Variants in PPP3R1 observed in about 807,000 individuals in gnomAD.
PPP3R1 encodes protein phosphatase 3 regulatory subunit B, alpha, also known as calcineurin subunit B type 1.
PPP3R1 carries 5 observed loss-of-function variants against 22.6 expected under a neutral mutation model. The ratio of observed to expected loss-of-function variants is 0.22; its 90% confidence interval spans 0.12 to 0.46. The LOEUF is 0.46. Ranked by LOEUF, PPP3R1 falls within the 20% of genes least tolerant of loss-of-function variation. The pLI, the probability that PPP3R1 is intolerant of heterozygous loss-of-function variation, is 0.99. For synonymous variants in PPP3R1, 56 were observed against 65.2 expected, an observed-to-expected ratio of 0.86 and a Z score of 0.68; for missense variants, 61 against 203.2, an observed-to-expected ratio of 0.30 and a Z score of 4.25.
At chr2:68,185,883 T>A (rs7560691) in intron 5 of PPP3R1, among the ~76,000 whole-genome samples, 5,803 of 152,340 alleles carry the variant, frequency 0.038, 331 homozygotes, top group African/African-American at 0.13. Context: ...AAGGATAATA[T>A]GAACTTCTAC....
intron 2 of PPP3R1, among the ~76,000 whole-genome samples, chr2:68,195,887 C>CTT (rs570571597): frequency 2.1e-5 from 3 of 141,718 alleles, no homozygotes; most frequent in East Asian, 4.1e-4. Context: ...TTCCAACAAC[C>CTT]TTTTTTTTTT....
intron 2 of PPP3R1, among the ~76,000 whole-genome samples, chr2:68,216,427 A>G (rs1439252354): frequency 2.0e-5 from 3 of 152,064 alleles, no homozygotes; most frequent in Non-Finnish European, 2.9e-5. Flanking sequence ...AATGTGAAAA[A>G]CAAAAAACTT....
At chr2:68,206,103 C>A (rs1385982291) in intron 2 of PPP3R1, among the ~76,000 whole-genome samples, 1 of 152,168 alleles carries the variant, frequency 6.6e-6, no homozygotes, top group Non-Finnish European at 1.5e-5. Context: ...CAGGCGTGAG[C>A]CACCGCGCCC....
intron 1 of PPP3R1, among the ~76,000 whole-genome samples, chr2:68,233,605 C>T (rs1435502251): frequency 6.6e-6 from 1 of 152,088 alleles, no homozygotes; most frequent in Non-Finnish European, 1.5e-5. Context: ...TAACACCTCA[C>T]TCCCAAAGGT....
intron 5 of PPP3R1, among the ~76,000 whole-genome samples, chr2:68,184,467 T>G (rs1674491657): frequency 6.6e-6 from 1 of 152,198 alleles, no homozygotes. Context: ...TTCATTGCAT[T>G]TTATTGGAGT....
intron 1 of PPP3R1, among the ~76,000 whole-genome samples, chr2:68,228,925 T>C (rs1384618367): frequency 6.6e-6 from 1 of 152,158 alleles, no homozygotes; most frequent in Non-Finnish European, 1.5e-5. Context: ...TGGAAGTGTT[T>C]AGAGATTTTC....
At chr2:68,222,104 C>T (rs1669696790) in intron 1 of PPP3R1, among the ~76,000 whole-genome samples, 1 of 151,982 alleles carries the variant, frequency 6.6e-6, no homozygotes, top group Non-Finnish European at 1.5e-5. Flanking sequence ...GTTTAAATGT[C>T]TTTAAAATAT....
At chr2:68,248,093 C>T (rs186342155) in intron 1 of PPP3R1, among the ~76,000 whole-genome samples, 1 of 152,154 alleles carries the variant, frequency 6.6e-6, no homozygotes. Context: ...ACACTACCCC[C>T]TTCCTCTCCA....
chr2:68,231,845 A>C (rs944521405), intron 1 of PPP3R1, among the ~76,000 whole-genome samples: 2 of 152,106 alleles, frequency 1.3e-5, no homozygotes, highest in Admixed American at 6.6e-5. Flanking sequence ...ATAAACAGTC[A>C]AGACAGGTAA....
intron 2 of PPP3R1, among the ~76,000 whole-genome samples, chr2:68,213,383 G>A (rs1669520506): frequency 1.3e-5 from 2 of 152,244 alleles, no homozygotes; most frequent in South Asian, 4.1e-4. Context: ...TTGTCTTAGG[G>A]AATAGGGAGG....
intron 2 of PPP3R1, among the ~76,000 whole-genome samples, chr2:68,215,260 C>G (rs1669556897): frequency 6.6e-6 from 1 of 151,996 alleles, no homozygotes; most frequent in African/African-American, 2.4e-5. Flanking sequence ...AACAAACCTG[C>G]ACATACCCAT....
chr2:68,196,883 C>A (rs747204247), intron 2 of PPP3R1, among the ~76,000 whole-genome samples: 2 of 152,062 alleles, frequency 1.3e-5, no homozygotes, highest in African/African-American at 4.8e-5. Flanking sequence ...CGCCACCACG[C>A]CCTGCTGATT....
At chr2:68,195,552 A>C (rs545798667) in intron 2 of PPP3R1, among the ~76,000 whole-genome samples, 2 of 151,976 alleles carry the variant, frequency 1.3e-5, no homozygotes, top group East Asian at 3.9e-4. Context: ...CTGTGCAAAT[A>C]CTCTTTTCTC....
chr2:68,206,589 C>T (rs1454849540), intron 2 of PPP3R1, among the ~76,000 whole-genome samples: 1 of 152,118 alleles, frequency 6.6e-6, no homozygotes, highest in African/African-American at 2.4e-5. Flanking sequence ...AGAATTAATC[C>T]ACATTCTAAT....
At chr2:68,186,384 A>C in intron 5 of PPP3R1, 84 bp downstream of exon 5, 1 of 1,349,666 alleles carries the variant, frequency 7.4e-7, no homozygotes, top group Non-Finnish European at 1.0e-6. Flanking sequence ...TTTTAGGACA[A>C]AATATGGAAA....
At chr2:68,205,297 C>A (rs1300259103) in intron 2 of PPP3R1, among the ~76,000 whole-genome samples, 1 of 139,392 alleles carries the variant, frequency 7.2e-6, no homozygotes, top group African/African-American at 2.7e-5. Flanking sequence ...GGCTGCAGTG[C>A]AATGGCGCAA....
At chr2:68,233,998 T>C (rs188970300) in intron 1 of PPP3R1, among the ~76,000 whole-genome samples, 4 of 152,254 alleles carry the variant, frequency 2.6e-5, no homozygotes, top group Admixed American at 2.6e-4. Flanking sequence ...AGACTTTACA[T>C]ACATTATCTC....
chr2:68,251,906 G>A (rs1052322882), intron 1 of PPP3R1, among the ~76,000 whole-genome samples: 2 of 146,324 alleles, frequency 1.4e-5, no homozygotes, highest in African/African-American at 4.9e-5. Context: ...GCCCCGCAGA[G>A]GCCGGGGGCG....
chr2:68,213,488 G>A (rs1004172892), intron 2 of PPP3R1, among the ~76,000 whole-genome samples: 10 of 152,094 alleles, frequency 6.6e-5, no homozygotes, highest in East Asian at 1.9e-4. Flanking sequence ...CATGGACACC[G>A]TTCATGCTGC....
Sources: allele counts gnomAD v4.1 joint callset (sites outside exome capture counted in the v4.1 genomes callset), GRCh38; gene constraint gnomAD v4.1.1; transcripts MANE v1.5; gene names NCBI Gene and HGNC (gene_info 2026-07-23, HGNC 2026-07-21).